Variants in A1BG observed in about 807,000 individuals in gnomAD.
A1BG encodes the protein alpha-1B-glycoprotein.
Under a neutral mutation model 46.0 loss-of-function variants are expected in A1BG, and 44 were observed. That is an observed-to-expected ratio of 0.96 (90% CI 0.75 to 1.23). A1BG has a LOEUF of 1.23. A1BG is among the 50% of genes most tolerant of loss of function. A1BG has a pLI of 0.00. For synonymous variants in A1BG, 316 were observed against 314.7 expected (o/e 1.00, Z -0.04); for missense variants, 707 against 688.8 (o/e 1.03, Z -0.30).
chr19:58,352,088 C>T (rs1471623886), intron 4 of A1BG, 195 bp downstream of exon 4: 1 of 1,440,202 alleles, frequency 6.9e-7, no homozygotes, highest in Admixed American at 2.8e-5. Context: ...GCCACCGCAC[C>T]CGGCCTCACC....
chr19:58,353,084 T>G lies in A1BG; in HGVS notation c.184A>C (p.Lys62Gln). Residue 62 changes from lysine to glutamine, a missense_variant, in exon 3 of 8, where the codon AAG becomes CAG. By Grantham distance (53) the Lys-to-Gln change is moderately conservative. Coordinates refer to ENST00000263100, the MANE Select transcript of A1BG (RefSeq NM_130786.4). ...ACAGGCTCCTGGGCCACCCCATTCT[T>G]GAACAGCTGGAAGTCTGGAGTCTCC... ...HLETPDFQLF[K>Q]NGVAQEPVHL... The G allele has an allele frequency of 1.2e-6, 2 of 1,614,158 alleles. No homozygotes were observed. Among genetic ancestry groups the G allele is most frequent in the Non-Finnish European group, 1.7e-6 (2 of 1,180,022 alleles).
At chr19:58,347,676 G>GCCCCAGGCCACGCCCCAGGCCACA (rs778490538) in intron 6 of A1BG, 36 bp from the exon 7 acceptor site, 2 of 1,296,444 alleles carry the variant, frequency 1.5e-6, no homozygotes, top group African/African-American at 5.0e-5. Context: ...GCCAGGCCAC[G>GCCCCAGGCCACGCCCCAGGCCACA]CCCCAGGCCA....
rs376066726 is a variant in A1BG at position 58,353,243 on chromosome 19, TC to T, written c.71-47del. 7.5e-4 allele frequency: 1,209 copies of T among 1,611,820 alleles called. 7 individuals are homozygous for T. In the African/African-American group the frequency reaches 0.013, roughly 18 times the overall value. ...CAGCTCAGTGCCACAGAGACAGGGC[TC>T]CCCCCCGGCCTGGGCCCACCATTCC... is the stretch of plus-strand genomic sequence containing the variant. On this transcript the variant is annotated intron_variant, in intron 2 of 7. Coordinates refer to ENST00000263100, the MANE Select transcript of A1BG (RefSeq NM_130786.4).
intron 5 of A1BG, chr19:58,350,951 T>C: frequency 2.3e-6 from 1 of 429,758 alleles, no homozygotes; most frequent in Non-Finnish European, 4.1e-6. Flanking sequence ...CAGTAGTGGA[T>C]TTGCTCCACG....
intron 3 of A1BG, 24 bp from the exon 4 acceptor site, chr19:58,352,579 A>T: frequency 6.3e-7 from 1 of 1,599,710 alleles, no homozygotes; most frequent in African/African-American, 1.3e-5. Context: ...GGAGTTGAAG[A>T]GTGCTTCTGC....
Position 58,347,441 on chromosome 19 carries a change from G to C in A1BG, c.1392C>G (p.His464Gln). 1 of 1,608,370 alleles carries C rather than the reference G, an allele frequency of 6.2e-7. No individual in the cohort carries two copies. Among genetic ancestry groups the C allele is most frequent in the Non-Finnish European group, 8.5e-7 (1 of 1,177,480 alleles). The change falls in exon 7 of 8, where the codon CAC becomes CAG. Residue 464 changes from histidine (H) to glutamine (Q), a missense_variant. Coordinates refer to ENST00000263100, the MANE Select transcript of A1BG (RefSeq NM_130786.4). ...GGTAGCGGCACCTGTAGTTGCCGGCGTGCTGGGGCCCCACGAAGATCAGCT... is the reference window on the plus strand; with the variant it reads ...GGTAGCGGCACCTGTAGTTGCCGGCCTGCTGGGGCCCCACGAAGATCAGCT... ...NLELIFVGPQ[H>Q]AGNYRCRYRS...
chr19:58,347,846 TGA>T (rs1037312734), intron 6 of A1BG: 27 of 343,512 alleles, frequency 7.9e-5, no homozygotes, highest in Admixed American at 1.9e-4. Flanking sequence ...GCGCCACACG[TGA>T]GTGTCCCCGC....
Position 58,345,226 on chromosome 19 carries a change from A to G in A1BG, c.*1796T>C, listed in dbSNP as rs2051907547. 6.6e-6 allele frequency: 1 copy of G among 152,230 alleles called. No individual in the cohort carries two copies. Among genetic ancestry groups the G allele is most frequent in the African/African-American group, 2.4e-5 (1 of 41,458 alleles). 9.4% of individuals were successfully genotyped at this position (152,230 alleles called of 1,614,324 possible). A position where few individuals can be genotyped will look rare whatever the true frequency, so the allele number is the denominator to read the frequency against. On this transcript the variant is annotated 3_prime_UTR_variant, in exon 8 of 8. Transcript: ENST00000263100. ...AAGTGTGCAAAATATATAAACAGAC[A>G]TTTCATCAAAGATGCTATATAGATG...
In A1BG at chr19:58,351,649, A is replaced by T; in HGVS notation, c.652T>A (p.Ser218Thr). The T allele has an allele frequency of 6.2e-7, 1 of 1,609,276 alleles. No individual in the cohort carries two copies. The highest frequency in any genetic ancestry group is 8.5e-7 in the Non-Finnish European group (1 of 1,178,374). ...PPPVLMHHGE[S>T]SQVLHPGNKV... The stretch of plus-strand genomic sequence containing the variant: ...TTGCCAGGGTGCAGGACCTGGGAGG[A>T]CTCTCCATGGTGCATCAGCACAGGC... Residue 218 changes from serine (S) to threonine (T), a missense_variant, in exon 5 of 8, where the codon TCC becomes ACC. Ser to Thr is a moderately conservative substitution (Grantham distance 58). Coordinates refer to ENST00000263100, the MANE Select transcript of A1BG (RefSeq NM_130786.4).
chr19:58,353,147 G>A lies in A1BG; in HGVS notation c.121C>T (p.Pro41Ser). The A allele has an allele frequency of 6.2e-7, 1 of 1,614,176 alleles. No individual in the cohort carries two copies. Among genetic ancestry groups the A allele is most frequent in the South Asian group, 1.1e-5 (1 of 91,086 alleles). Residue 41 changes from proline (P) to serine (S), a missense_variant, in exon 3 of 8, where the codon CCC becomes TCC. Transcript: ENST00000263100. ...LWAESESLLK[P>S]LANVTLTCQA... ...CACGTCAGCGTCACATTGGCCAAGG[G>A]TTTCAGCAGTGATTCGGACTCTGCC...
chr19:58,346,976 C>T lies in A1BG; in HGVS notation c.*46G>A, dbSNP rs764893172. ...AGGGGAGGGAGCCAGTCCAGAATCC[C>T]CGGCACTTCTGAGGACACCAACAGC... is the stretch of plus-strand genomic sequence containing the variant. On this transcript the variant is annotated 3_prime_UTR_variant, in exon 8 of 8. Coordinates refer to ENST00000263100, the MANE Select transcript of A1BG (RefSeq NM_130786.4). 29 of 1,613,018 alleles carry T rather than the reference C, an allele frequency of 1.8e-5. No individual in the cohort carries two copies. Among genetic ancestry groups the T allele is most frequent in the Non-Finnish European group, 2.2e-5 (26 of 1,179,132 alleles).
Position 58,347,598 on chromosome 19 carries a change from G to T in A1BG, c.1235C>A (p.Ala412Glu), listed in dbSNP as rs749608112. 40 of 1,501,354 alleles carry T rather than the reference G, an allele frequency of 2.7e-5. No homozygotes were observed. The highest frequency in any genetic ancestry group is 3.4e-5 in the Non-Finnish European group (39 of 1,130,770). The allele number at this position is 1,501,354 out of a possible 1,614,324, so 93.0% of individuals were successfully genotyped here. Residue 412 changes from alanine (A) to glutamate (E), a missense_variant, in exon 7 of 8, where the codon GCG becomes GAG. By Grantham distance (107) the Ala-to-Glu change is moderately radical. Transcript: ENST00000263100. ...GACGGCATCTCGGCCCGCCAGGACC[G>T]CCCCACTCCACGTCGCCCGGAGCTG... ...RPQLRATWSG[A>E]VLAGRDAVLR...
intron 6 of A1BG, chr19:58,348,833 T>C (rs1251473948): frequency 6.6e-6 from 1 of 152,392 alleles, no homozygotes; most frequent in Non-Finnish European, 1.5e-5. Flanking sequence ...CCAATCAGAT[T>C]TCAGGCCAGT....
At chr19:58,349,372 G>A (rs1439132189) in intron 6 of A1BG, among the ~76,000 whole-genome samples, 3 of 152,014 alleles carry the variant, frequency 2.0e-5, no homozygotes, top group Admixed American at 2.0e-4. Context: ...GCAAGAATAG[G>A]CTGGGCATGG....
Position 58,347,000 on chromosome 19 carries a change from G to A in A1BG, c.*22C>T, listed in dbSNP as rs753125623. The A allele has an allele frequency of 6.2e-7, 1 of 1,614,054 alleles. No homozygotes were observed. Among genetic ancestry groups the A allele is most frequent in the South Asian group, 1.1e-5 (1 of 91,080 alleles). ...CCCGGCACTTCTGAGGACACCAACA[G>A]CACCCTGGGCCCGCGGCTGCATCAG... On this transcript the variant is annotated 3_prime_UTR_variant, in exon 8 of 8. Transcript: ENST00000263100.
chr19:58,349,517 G>A (rs1337920118), intron 6 of A1BG: 1 of 151,952 alleles, frequency 6.6e-6, no homozygotes, highest in African/African-American at 2.4e-5. Context: ...TGGGCATGGT[G>A]GCATGCGCCT....
rs2051943188 is a variant in A1BG, at chr19:58,350,037, G to A, written c.1192+333C>T. The stretch of plus-strand genomic sequence containing the variant: ...CCTGCGGGACCGGGGCCGGGGCGGG[G>A]GGTCCAGTATGACGACTGACATGGC... On this transcript the variant is annotated intron_variant, in intron 6 of 7. Transcript: ENST00000263100. 8 of 258,274 alleles carry A rather than the reference G, an allele frequency of 3.1e-5. No homozygotes were observed. In the South Asian group the frequency reaches 6.7e-4, roughly 21 times the overall value. The allele number at this position is 258,274 out of a possible 1,614,324, so 16.0% of individuals were successfully genotyped here.
At position 58,351,504 on chromosome 19, in the gene A1BG, A is replaced by G; in HGVS notation, c.797T>C (p.Leu266Pro). The G allele has an allele frequency of 6.2e-7, 1 of 1,613,894 alleles. No individual in the cohort carries two copies. Among genetic ancestry groups the G allele is most frequent in the South Asian group, 1.1e-5 (1 of 91,088 alleles). ...TCCATCCCCCAGGGCCACCGCGTTC[A>G]GGTGAAAGAAGATGCGATCTGGGCT... ...STSPDRIFFHLNAVALGDGGH... is the reference protein window; with the variant it reads ...STSPDRIFFHPNAVALGDGGH... Residue 266 changes from leucine to proline, a missense_variant, in exon 5 of 8, where the codon CTG becomes CCG. Transcript: ENST00000263100.
rs1218498179 is a variant in A1BG at position 58,350,447 on chromosome 19, T to C, written c.1115A>G (p.Tyr372Cys). The C allele has an allele frequency of 1.3e-6, 2 of 1,553,258 alleles. No homozygotes were observed. Among genetic ancestry groups the C allele is most frequent in the South Asian group, 1.2e-5 (1 of 84,312 alleles). Residue 372 changes from tyrosine to cysteine, a missense_variant, in exon 6 of 8, where the codon TAC becomes TGC. By Grantham distance (194) the Tyr-to-Cys change is radical (BLOSUM62 -2). Coordinates refer to ENST00000263100, the MANE Select transcript of A1BG (RefSeq NM_130786.4). ...HNISVADSAN[Y>C]SCVYVDLKPP... ...CTTCAGGTCCACGTAGACGCAGCTGTAGTTGGCGGAGTCAGCCACGGAAAT... is the reference window on the plus strand; with the variant it reads ...CTTCAGGTCCACGTAGACGCAGCTGCAGTTGGCGGAGTCAGCCACGGAAAT...
Sources: allele counts gnomAD v4.1 joint callset (sites outside exome capture counted in the v4.1 genomes callset), GRCh38; gene constraint gnomAD v4.1.1; transcripts MANE v1.5; gene names NCBI Gene and HGNC (gene_info 2026-07-23, HGNC 2026-07-21).